GLG1: variants seen among roughly 807,000 people sequenced by gnomAD.
GLG1 encodes the protein Golgi apparatus protein 1.
A neutral mutation model predicts 160.5 loss-of-function variants in GLG1; 38 were observed. The ratio of observed to expected loss-of-function variants is 0.24; its 90% CI spans 0.18 to 0.31. The LOEUF (loss-of-function observed/expected upper bound fraction) is 0.31. Among genes scored for constraint, GLG1 ranks in the 10% least tolerant of loss-of-function variants. GLG1 has a pLI of 1.00. For synonymous variants in GLG1, 644 were observed against 543.4 expected (o/e 1.19, Z -2.57); for missense variants, 1,373 against 1,505.2 (o/e 0.91, Z 1.45).
In GLG1 at chr16:74,451,486, C is replaced by G. The variant is rs1011031669; in HGVS notation, c.*1681G>C. ...TCAACTGATCCACAAACTGACACGCCTTGTACTGAACACCCTTCAGGGAAG... is the reference window on the plus strand; with the variant it reads ...TCAACTGATCCACAAACTGACACGCGTTGTACTGAACACCCTTCAGGGAAG... On this transcript the variant is annotated 3_prime_UTR_variant, in exon 26 of 26. Transcript: ENST00000422840. 1 of 152,722 alleles carries G rather than the reference C, an allele frequency of 6.5e-6. No homozygotes were observed. Among genetic ancestry groups the G allele is most frequent in the Non-Finnish European group, 1.5e-5 (1 of 68,398 alleles). 9.5% of individuals were successfully genotyped at this position (152,722 alleles called of 1,614,324 possible).
Position 74,452,725 on chromosome 16 carries a change from A to G in GLG1, c.*442T>C, listed in dbSNP as rs1157757270. 9.1e-6 allele frequency: 9 copies of G among 991,964 alleles called. No homozygotes were observed. The highest frequency in any genetic ancestry group is 1.1e-5 in the Non-Finnish European group (9 of 833,880). The allele number at this position is 991,964 out of a possible 1,614,324, so 61.4% of individuals were successfully genotyped here. A position where few individuals can be genotyped will look rare whatever the true frequency, so the allele number is the denominator to read the frequency against. On this transcript the variant is annotated 3_prime_UTR_variant, in exon 26 of 26. Coordinates refer to ENST00000422840, the MANE Select transcript of GLG1 (RefSeq NM_001145667.2). ...TCCAAGTCCTGTCTTTGTTTTACAC[A>G]GTCATATGAAAGACATAACCCCATT...
intron 6 of GLG1, 54 bp from the exon 7 acceptor site, chr16:74,493,194 G>C (rs1166543067): frequency 2.4e-6 from 3 of 1,226,088 alleles, no homozygotes; most frequent in African/African-American, 3.0e-5. Context: ...CTTTACTGTT[G>C]ACGTGTACCA....
chr16:74,564,263 T>C (rs2018590184), intron 1 of GLG1, among the ~76,000 whole-genome samples: 1 of 152,204 alleles, frequency 6.6e-6, no homozygotes, highest in South Asian at 2.1e-4. Flanking sequence ...TACTGGATAT[T>C]ACAGAGATTC....
chr16:74,484,016 A>C (rs186448594), intron 9 of GLG1, among the ~76,000 whole-genome samples: 4 of 141,502 alleles, frequency 2.8e-5, no homozygotes, highest in Admixed American at 2.8e-4. Context: ...GATCCAGAAA[A>C]GGTTAACTGA....
chr16:74,604,571 T>A (rs1011918572), intron 1 of GLG1, among the ~76,000 whole-genome samples: 2 of 152,272 alleles, frequency 1.3e-5, no homozygotes, highest in Non-Finnish European at 2.9e-5. Flanking sequence ...GAAAAGTACA[T>A]ATATCTATTT....
intron 8 of GLG1, among the ~76,000 whole-genome samples, chr16:74,489,021 G>A (rs1183581919): frequency 1.3e-5 from 2 of 152,140 alleles, no homozygotes; most frequent in Non-Finnish European, 2.9e-5. Context: ...AGGGTGATGT[G>A]GGAAGTACTT....
chr16:74,464,870 T>TC (rs1379142305), intron 19 of GLG1, among the ~76,000 whole-genome samples: 1 of 151,964 alleles, frequency 6.6e-6, no homozygotes, highest in Admixed American at 6.5e-5. Context: ...TGAGACAGAG[T>TC]CTTACTCTGT....
chr16:74,498,364 A>T (rs552619152), intron 4 of GLG1, among the ~76,000 whole-genome samples: 204 of 142,704 alleles, frequency 1.4e-3, no homozygotes, highest in Admixed American at 6.2e-3. Flanking sequence ...CCCAGGAGGT[A>T]GAGGTTGCAG....
At chr16:74,527,532 G>T (rs1043532197) in intron 2 of GLG1, among the ~76,000 whole-genome samples, 1 of 151,964 alleles carries the variant, frequency 6.6e-6, no homozygotes, top group Non-Finnish European at 1.5e-5. Context: ...TTACAGGCGT[G>T]AGCCACCACG....
intron 18 of GLG1, among the ~76,000 whole-genome samples, chr16:74,466,870 T>TA (rs2015018303): frequency 6.6e-6 from 1 of 152,068 alleles, no homozygotes; most frequent in Non-Finnish European, 1.5e-5. Flanking sequence ...AAGAAAAAGT[T>TA]AAAGAGACAT....
chr16:74,589,725 A>G (rs763106871), intron 1 of GLG1, among the ~76,000 whole-genome samples: 1 of 152,150 alleles, frequency 6.6e-6, no homozygotes, highest in Non-Finnish European at 1.5e-5. Flanking sequence ...TCAGTGCTCT[A>G]ATTTCTCCTA....
rs28709370 is a variant in GLG1, at chr16:74,590,014, T to G, written c.438+16643A>C. Reference sequence around the variant, plus strand: ...CTTCACTTTTGTTGTTGTTGTTGTTTTTTTGAGATGGAGTCTAGCTCTGTA... The same window carrying G: ...CTTCACTTTTGTTGTTGTTGTTGTTGTTTTGAGATGGAGTCTAGCTCTGTA... On this transcript the variant is annotated intron_variant, in intron 1 of 25. Coordinates refer to ENST00000422840, the MANE Select transcript of GLG1 (RefSeq NM_001145667.2). 7.1e-3 allele frequency among the ~76,000 whole-genome samples: 944 copies of G among 132,992 alleles called. 11 individuals carry two copies. The highest frequency in any genetic ancestry group is 0.025 in the African/African-American group (847 of 34,452). 87.2% of individuals were successfully genotyped at this position (132,992 alleles called of 152,430 possible).
At chr16:74,465,251 T>C (rs983396810) in intron 19 of GLG1, among the ~76,000 whole-genome samples, 2 of 152,240 alleles carry the variant, frequency 1.3e-5, no homozygotes, top group African/African-American at 4.8e-5. Flanking sequence ...CAAAACAACC[T>C]GTAAAACAGA....
chr16:74,592,784 C>T (rs1027656838), intron 1 of GLG1, among the ~76,000 whole-genome samples: 1 of 152,138 alleles, frequency 6.6e-6, no homozygotes, highest in African/African-American at 2.4e-5. Flanking sequence ...CTTCTCTCTT[C>T]TTATTTTATT....
intron 8 of GLG1, among the ~76,000 whole-genome samples, chr16:74,490,495 A>G (rs974524369): frequency 4.6e-5 from 7 of 152,258 alleles, no homozygotes; most frequent in African/African-American, 1.7e-4. Context: ...TTCAAAAATG[A>G]CATGCTCTCT....
intron 1 of GLG1, among the ~76,000 whole-genome samples, chr16:74,602,094 G>A (rs1294667951): frequency 6.6e-6 from 1 of 152,056 alleles, no homozygotes. Flanking sequence ...TTAAGTGAAA[G>A]GTTAAAAGCA....
chr16:74,598,858 T>G (rs1379843349), intron 1 of GLG1, among the ~76,000 whole-genome samples: 1 of 151,682 alleles, frequency 6.6e-6, no homozygotes, highest in East Asian at 1.9e-4. Flanking sequence ...CACTCCAGCC[T>G]GAGCAAGAGC....
intron 9 of GLG1, among the ~76,000 whole-genome samples, chr16:74,484,654 G>A (rs551020132): frequency 2.0e-5 from 3 of 152,218 alleles, no homozygotes; most frequent in East Asian, 3.9e-4. Flanking sequence ...CCAGCTACTC[G>A]GGAGGCTGAG....
At chr16:74,498,868 C>CAA (rs57372225) in intron 4 of GLG1, among the ~76,000 whole-genome samples, 64,003 of 75,836 alleles carry the variant, frequency 0.84, 27,496 homozygotes, top group East Asian at 0.94. Context: ...CCGTCTCAGG[C>CAA]AAAAAAAAAA....
Sources: allele counts gnomAD v4.1 joint callset (sites outside exome capture counted in the v4.1 genomes callset), GRCh38; gene constraint gnomAD v4.1.1; transcripts MANE v1.5; gene names NCBI Gene and HGNC (gene_info 2026-07-23, HGNC 2026-07-21).